Variants in GAS2 observed in about 807,000 individuals in gnomAD.
GAS2 encodes the protein growth arrest-specific protein 2.
GAS2 carries 20 observed loss-of-function variants against 37.5 expected under a neutral mutation model. That is an observed-to-expected ratio of 0.53 (90% CI 0.37 to 0.77). GAS2 has a LOEUF of 0.77. GAS2 is among the 30% of genes least tolerant of loss of function. GAS2 has a pLI of 0.00. For synonymous variants in GAS2, 144 were observed against 132.2 expected (o/e 1.09, Z -0.61); for missense variants, 336 against 373.4 (o/e 0.90, Z 0.82).
chr11:22,805,935 T>A (rs1390045312), intron 7 of GAS2, among the ~76,000 whole-genome samples: 3 of 152,114 alleles, frequency 2.0e-5, no homozygotes, highest in Non-Finnish European at 4.4e-5. Context: ...GTCACTCTCA[T>A]CGCCAGCTTG....
chr11:22,726,274 A>C lies in GAS2; in HGVS notation c.268-18A>C. ...ACTTTGACAGATTTCTCCTAGAACG[A>C]ATTTCTTTATTTTTCAGAATCTACC... On this transcript the variant is annotated intron_variant, in intron 3 of 7. Coordinates refer to ENST00000454584, the MANE Select transcript of GAS2 (RefSeq NM_001143830.3). 6.3e-7 allele frequency: 1 copy of C among 1,583,632 alleles called. No homozygotes were observed. Among genetic ancestry groups the C allele is most frequent in the South Asian group, 1.2e-5 (1 of 85,436 alleles).
chr11:22,725,715 C>T (rs958123276), intron 3 of GAS2, among the ~76,000 whole-genome samples: 3 of 152,132 alleles, frequency 2.0e-5, no homozygotes, highest in African/African-American at 7.2e-5. Flanking sequence ...TGAGCCACCA[C>T]ACACAGCAAA....
At chr11:22,801,971 A>T (rs1196198603) in intron 7 of GAS2, among the ~76,000 whole-genome samples, 1 of 152,108 alleles carries the variant, frequency 6.6e-6, no homozygotes. Flanking sequence ...GCTCTTGATT[A>T]AGAATGGGAG....
chr11:22,682,093 C>CA (rs948566457), intron 2 of GAS2, among the ~76,000 whole-genome samples: 15 of 150,342 alleles, frequency 1.0e-4, no homozygotes, highest in Non-Finnish European at 2.1e-4. Flanking sequence ...CTGTTTTTGC[C>CA]AAAAAAAACT....
At chr11:22,643,515 A>T (rs983000461) in intron 1 of GAS2, among the ~76,000 whole-genome samples, 2 of 151,964 alleles carry the variant, frequency 1.3e-5, no homozygotes, top group African/African-American at 4.8e-5. Flanking sequence ...ATTAACAGAA[A>T]TTATTTTGAA....
chr11:22,736,215 A>C (rs1456471130), intron 4 of GAS2, among the ~76,000 whole-genome samples: 2 of 152,118 alleles, frequency 1.3e-5, no homozygotes, highest in East Asian at 3.9e-4. Context: ...GCCACAGTCA[A>C]CTTGTAGTAG....
At chr11:22,690,510 G>C (rs944233514) in intron 3 of GAS2, among the ~76,000 whole-genome samples, 23 of 152,216 alleles carry the variant, frequency 1.5e-4, no homozygotes, top group Non-Finnish European at 3.2e-4. Context: ...GGCAGTAGAT[G>C]GGTGGAAGCA....
intron 7 of GAS2, among the ~76,000 whole-genome samples, chr11:22,785,571 C>CA (rs1433944358): frequency 6.6e-6 from 1 of 152,146 alleles, no homozygotes; most frequent in Non-Finnish European, 1.5e-5. Flanking sequence ...ATGCCCTTGT[C>CA]ACCTCCACAG....
chr11:22,782,166 G>A (rs7129006), intron 7 of GAS2, among the ~76,000 whole-genome samples: 81,872 of 151,852 alleles, frequency 0.54, 22,350 homozygotes, highest in East Asian at 0.6. Flanking sequence ...AGTAAGTTAT[G>A]CAACTATTGT....
intron 4 of GAS2, among the ~76,000 whole-genome samples, chr11:22,736,050 C>T (rs1487841604): frequency 2.0e-5 from 3 of 149,274 alleles, no homozygotes; most frequent in Non-Finnish European, 3.0e-5. Flanking sequence ...ATGATCTATA[C>T]AGGAAGATCC....
intron 7 of GAS2, among the ~76,000 whole-genome samples, chr11:22,789,666 C>T (rs1308886803): frequency 1.3e-5 from 2 of 150,468 alleles, no homozygotes; most frequent in Non-Finnish European, 3.0e-5. Context: ...GGGGTTTCAC[C>T]GCGTTAACCA....
At chr11:22,735,891 A>G (rs1459082172) in intron 4 of GAS2, among the ~76,000 whole-genome samples, 1 of 151,708 alleles carries the variant, frequency 6.6e-6, no homozygotes, top group African/African-American at 2.4e-5. Flanking sequence ...TGCTTCACAC[A>G]GCTTTTACTT....
chr11:22,796,178 T>C (rs1241587675), intron 7 of GAS2, among the ~76,000 whole-genome samples: 1 of 152,160 alleles, frequency 6.6e-6, no homozygotes, highest in Non-Finnish European at 1.5e-5. Flanking sequence ...ATTGGAAATC[T>C]GGGGTGGGGA....
At chr11:22,659,095 G>A (rs1470999610) in intron 1 of GAS2, among the ~76,000 whole-genome samples, 1 of 152,222 alleles carries the variant, frequency 6.6e-6, no homozygotes, top group Non-Finnish European at 1.5e-5. Flanking sequence ...ATGTGTCAAT[G>A]TGACTGGATT....
intron 3 of GAS2, among the ~76,000 whole-genome samples, chr11:22,697,868 T>C (rs1336703657): frequency 6.6e-6 from 1 of 152,190 alleles, no homozygotes; most frequent in Non-Finnish European, 1.5e-5. Flanking sequence ...GTTTTCTAGA[T>C]ATACAATCAT....
intron 4 of GAS2, among the ~76,000 whole-genome samples, chr11:22,729,893 C>T (rs543252966): frequency 2.6e-5 from 4 of 151,616 alleles, no homozygotes; most frequent in Non-Finnish European, 5.9e-5. Flanking sequence ...CTTTGGAAGG[C>T]AATTTTATAT....
chr11:22,801,685 G>A (rs1291882429), intron 7 of GAS2, among the ~76,000 whole-genome samples: 1 of 152,044 alleles, frequency 6.6e-6, no homozygotes, highest in South Asian at 2.1e-4. Context: ...GGGGAATAAA[G>A]ATGTGGTTTC....
chr11:22,688,566 A>T (rs1850081677), intron 3 of GAS2: 1 of 152,178 alleles, frequency 6.6e-6, no homozygotes, highest in African/African-American at 2.4e-5. Context: ...AAGTTATGTA[A>T]GTACTTTCCT....
intron 5 of GAS2, among the ~76,000 whole-genome samples, chr11:22,742,402 T>G (rs192000618): frequency 6.6e-6 from 1 of 152,086 alleles, no homozygotes; most frequent in Admixed American, 6.6e-5. Context: ...AAGCAGCCTT[T>G]TGGAGAACAG....
Sources: allele counts gnomAD v4.1 joint callset (sites outside exome capture counted in the v4.1 genomes callset), GRCh38; gene constraint gnomAD v4.1.1; transcripts MANE v1.5; gene names NCBI Gene and HGNC (gene_info 2026-07-23, HGNC 2026-07-21).